TBCK: variants seen among roughly 807,000 people sequenced by gnomAD.
TBCK encodes the protein TBC1 domain containing kinase.
TBCK carries 99 observed loss-of-function variants against 113.4 expected under a neutral mutation model. The observed-to-expected ratio is 0.87, with a 90% CI of 0.74 to 1.03. The LOEUF is 1.03. Ranked by LOEUF, TBCK falls within the 50% of genes least tolerant of loss-of-function variation. The pLI, the probability that TBCK is intolerant of heterozygous loss-of-function variation, is 0.00. For synonymous variants in TBCK, 369 were observed against 370.8 expected, an observed-to-expected ratio of 1.00 and a Z score of 0.05; for missense variants, 1,045 against 1,061.3, an observed-to-expected ratio of 0.98 and a Z score of 0.21.
chr4:106,089,914 T>C (rs145893197), intron 25 of TBCK, among the ~76,000 whole-genome samples: 1 of 152,304 alleles, frequency 6.6e-6, no homozygotes, highest in East Asian at 1.9e-4. Flanking sequence ...ACCTATGGCT[T>C]TTCCATACTG....
chr4:106,068,790 C>T (rs1404266394), intron 25 of TBCK, among the ~76,000 whole-genome samples: 6 of 152,328 alleles, frequency 3.9e-5, no homozygotes, highest in Middle Eastern at 3.4e-3. Context: ...TATTTCTCCA[C>T]GTCCTCTCCA....
At chr4:106,299,822 G>A (rs1044466941) in intron 2 of TBCK, among the ~76,000 whole-genome samples, 9 of 152,294 alleles carry the variant, frequency 5.9e-5, no homozygotes, top group African/African-American at 2.2e-4. Context: ...ATAATGTGAT[G>A]CTAAGATGAA....
chr4:106,222,704 A>G (rs975124068), intron 19 of TBCK, among the ~76,000 whole-genome samples: 22 of 152,152 alleles, frequency 1.4e-4, no homozygotes, highest in Non-Finnish European at 2.5e-4. Flanking sequence ...AATGTGCCCA[A>G]ACCAAACCAT....
intron 5 of TBCK, among the ~76,000 whole-genome samples, chr4:106,256,725 C>CCTCCT (rs1762034109): frequency 5.3e-5 from 8 of 152,116 alleles, no homozygotes; most frequent in Non-Finnish European, 1.2e-4. Flanking sequence ...AAGTGACAGC[C>CCTCCT]CCAGCAGCAC....
intron 2 of TBCK, among the ~76,000 whole-genome samples, chr4:106,303,279 A>G (rs1309984047): frequency 6.6e-6 from 1 of 152,144 alleles, no homozygotes; most frequent in Non-Finnish European, 1.5e-5. Flanking sequence ...GCCTTTAAGT[A>G]AAGAAGATAA....
intron 23 of TBCK, among the ~76,000 whole-genome samples, chr4:106,147,250 G>T (rs1011978289): frequency 6.6e-6 from 1 of 152,156 alleles, no homozygotes; most frequent in Admixed American, 6.5e-5. Context: ...GTTCTGAAAG[G>T]CATCTAGAAT....
At chr4:106,258,954 CTG>C (rs1286670042) in intron 5 of TBCK, among the ~76,000 whole-genome samples, 1 of 151,760 alleles carries the variant, frequency 6.6e-6, no homozygotes, top group Non-Finnish European at 1.5e-5. Flanking sequence ...TGGTTTTTGC[CTG>C]TAAGTTTTCA....
At chr4:106,232,632 A>G (rs1427431219) in intron 17 of TBCK, among the ~76,000 whole-genome samples, 1 of 151,962 alleles carries the variant, frequency 6.6e-6, no homozygotes, top group African/African-American at 2.4e-5. Context: ...ACTAGCCCCA[A>G]TTGATTTAAC....
intron 16 of TBCK, among the ~76,000 whole-genome samples, chr4:106,233,275 C>A (rs1759071964): frequency 6.6e-6 from 1 of 152,020 alleles, no homozygotes; most frequent in South Asian, 2.1e-4. Flanking sequence ...GAGAATTAGA[C>A]CATTTCTTTT....
chr4:106,095,146 T>C (rs565733396), intron 25 of TBCK, among the ~76,000 whole-genome samples: 2 of 152,320 alleles, frequency 1.3e-5, no homozygotes, highest in Non-Finnish European at 2.9e-5. Flanking sequence ...AATCTCATCA[T>C]GACCAGCTCT....
At chr4:106,088,246 A>G (rs543435230) in intron 25 of TBCK, among the ~76,000 whole-genome samples, 1 of 152,232 alleles carries the variant, frequency 6.6e-6, no homozygotes, top group African/African-American at 2.4e-5. Flanking sequence ...GAACTTAAAC[A>G]TATTTACAAG....
chr4:106,055,585 ATTT>A (rs893872830), intron 25 of TBCK, among the ~76,000 whole-genome samples: 1 of 150,222 alleles, frequency 6.7e-6, no homozygotes, highest in African/African-American at 2.4e-5. Context: ...CATATATATA[ATTT>A]TTTTTCTTCT....
At chr4:106,303,117 T>C (rs1767122302) in intron 2 of TBCK, among the ~76,000 whole-genome samples, 1 of 152,142 alleles carries the variant, frequency 6.6e-6, no homozygotes, top group Non-Finnish European at 1.5e-5. Flanking sequence ...TACTCCATTA[T>C]CCAGAAGCTT....
rs780767719 is a variant in TBCK, at chr4:106,185,842, T to C, written c.2059+7767A>G. ...TATTTCATTACCCAGGTAATTAGCA[T>C]AGAACCCAATAGGTATTTTTTCGAT... On this transcript the variant is annotated intron_variant, in intron 22 of 25. Transcript: ENST00000394708. Among the ~76,000 whole-genome samples the C allele has an allele frequency of 2.1e-4, 32 of 152,250 alleles. 1 individual carries two copies. The highest frequency in any genetic ancestry group is 6.8e-3 in the Middle Eastern group (2 of 294).
intron 19 of TBCK, among the ~76,000 whole-genome samples, chr4:106,218,435 C>G (rs1393449813): frequency 6.8e-6 from 1 of 147,600 alleles, no homozygotes; most frequent in African/African-American, 2.5e-5. Context: ...AACAGGCAAC[C>G]TACAACATGG....
chr4:106,092,847 G>A (rs1431445414), intron 25 of TBCK, among the ~76,000 whole-genome samples: 1 of 152,246 alleles, frequency 6.6e-6, no homozygotes, highest in African/African-American at 2.4e-5. Context: ...CCACAGTGCA[G>A]TGGCGAGCTG....
chr4:106,293,622 G>C (rs908495513), intron 3 of TBCK, among the ~76,000 whole-genome samples: 9 of 152,094 alleles, frequency 5.9e-5, no homozygotes, highest in African/African-American at 9.7e-5. Context: ...CATGATATCT[G>C]CATTTTTCAT....
chr4:106,259,346 G>T (rs999710264), intron 5 of TBCK, among the ~76,000 whole-genome samples: 76 of 151,796 alleles, frequency 5.0e-4, no homozygotes, highest in African/African-American at 1.8e-3. Context: ...TCTCAGTAAC[G>T]GTGTGATAGA....
intron 5 of TBCK, among the ~76,000 whole-genome samples, chr4:106,253,253 C>A (rs1238761436): frequency 2.0e-5 from 3 of 152,110 alleles, no homozygotes; most frequent in African/African-American, 7.2e-5. Context: ...TGACTGTATT[C>A]TTTTGCTCTT....
Sources: gnomAD v4.1 joint callset for allele counts (sites outside exome capture counted in the v4.1 genomes callset) on GRCh38, gnomAD v4.1.1 for gene constraint, MANE v1.5 for transcripts, NCBI Gene and HGNC (gene_info 2026-07-23, HGNC 2026-07-21) for gene names.